Variants in TXNDC16 observed in about 807,000 individuals in gnomAD.
TXNDC16 encodes thioredoxin domain containing 16, also known as thioredoxin domain-containing protein 16.
A neutral mutation model predicts 85.6 loss-of-function variants in TXNDC16; 74 were observed. That is an observed-to-expected ratio of 0.86 (90% CI 0.72 to 1.05). The LOEUF is 1.05. Among genes scored for constraint, TXNDC16 ranks in the 50% least tolerant of loss-of-function variants. The pLI is 0.00. For synonymous variants in TXNDC16, 335 were observed against 326.5 expected, an observed-to-expected ratio of 1.03 and a Z score of -0.28; for missense variants, 959 against 947.0, an observed-to-expected ratio of 1.01 and a Z score of -0.17.
intron 17 of TXNDC16, among the ~76,000 whole-genome samples, chr14:52,456,837 G>C (rs1442041395): frequency 1.3e-5 from 2 of 152,034 alleles, no homozygotes; most frequent in African/African-American, 4.8e-5. Context: ...AACCCAAAGA[G>C]GAAAATTTTT....
At chr14:52,513,512 T>A (rs927162464) in intron 8 of TXNDC16, among the ~76,000 whole-genome samples, 7 of 152,060 alleles carry the variant, frequency 4.6e-5, no homozygotes, top group Non-Finnish European at 1.0e-4. Context: ...CAATACATCA[T>A]ATATTCAAAA....
At chr14:52,488,272 C>T in intron 12 of TXNDC16, 91 bp downstream of exon 12, 2 of 1,484,726 alleles carry the variant, frequency 1.3e-6, no homozygotes, top group Non-Finnish European at 1.8e-6. Context: ...AATCTGAACA[C>T]ATTCTTGGAG....
rs551642482 is a variant in TXNDC16 at position 52,502,264 on chromosome 14, G to C, written c.756+8976C>G. Among the ~76,000 whole-genome samples, 7 of 152,312 alleles carry C rather than the reference G, an allele frequency of 4.6e-5. No individual in the cohort carries two copies. The South Asian group carries it at 1.0e-3, about 23-fold the overall frequency. ...TTCCCTAGTTGTCTAGGAAAAAAAA[G>C]TTCAAACAAATAAAACGCTTATGCA... On this transcript the variant is annotated intron_variant, in intron 9 of 20. Transcript: ENST00000281741.
At chr14:52,529,731 TATA>T (rs1324680106) in intron 6 of TXNDC16, among the ~76,000 whole-genome samples, 4 of 118,622 alleles carry the variant, frequency 3.4e-5, no homozygotes, top group East Asian at 2.4e-4. Flanking sequence ...ATATATTATA[TATA>T]ATGCCTATTA....
rs891151801 is a variant in TXNDC16 at position 52,482,302 on chromosome 14, T to A, written c.1253-13A>T. ...GATACTGCTTGCCCTATATGAAAATTAAAAATTCAACAGATATTACATGTA... is the reference window on the plus strand; with the variant it reads ...GATACTGCTTGCCCTATATGAAAATAAAAAATTCAACAGATATTACATGTA... On this transcript the variant is annotated splice_polypyrimidine_tract_variant and intron_variant, in intron 13 of 20. Coordinates refer to ENST00000281741, the MANE Select transcript of TXNDC16 (RefSeq NM_020784.3). 1.9e-6 allele frequency: 3 copies of A among 1,607,594 alleles called. No homozygotes were observed. The highest frequency in any genetic ancestry group is 2.7e-5 in the African/African-American group (2 of 74,738).
At chr14:52,518,385 C>T (rs1327003639) in intron 7 of TXNDC16, among the ~76,000 whole-genome samples, 1 of 152,130 alleles carries the variant, frequency 6.6e-6, no homozygotes, top group Non-Finnish European at 1.5e-5. Context: ...CAAGAGCTTC[C>T]TCTCCAAATT....
chr14:52,473,081 G>A (rs1566546534), intron 14 of TXNDC16, among the ~76,000 whole-genome samples: 1 of 152,082 alleles, frequency 6.6e-6, no homozygotes, highest in Non-Finnish European at 1.5e-5. Context: ...AGCAATCTAT[G>A]AGCCCTATGT....
chr14:52,521,764 C>T (rs1432307190), intron 6 of TXNDC16, among the ~76,000 whole-genome samples: 9 of 152,160 alleles, frequency 5.9e-5, no homozygotes, highest in Non-Finnish European at 1.5e-5. Flanking sequence ...ACTTACTGAG[C>T]AGTATTCACT....
rs142280580 is a variant in TXNDC16 at position 52,503,891 on chromosome 14, G to C, written c.756+7349C>G. Among the ~76,000 whole-genome samples, 505 of 152,282 alleles carry C rather than the reference G, an allele frequency of 3.3e-3. 2 individuals are homozygous for C. Among genetic ancestry groups the C allele is most frequent in the African/African-American group, 0.011 (476 of 41,546 alleles). ...AGAGAAGTCCTTAAAGGACTTGATG[G>C]AGCTGAAAACTATGGCACGAGAACT... On this transcript the variant is annotated intron_variant, in intron 9 of 20. Coordinates refer to ENST00000281741, the MANE Select transcript of TXNDC16 (RefSeq NM_020784.3).
intron 9 of TXNDC16, among the ~76,000 whole-genome samples, chr14:52,509,479 T>C (rs545345260): frequency 7.9e-6 from 1 of 126,158 alleles, no homozygotes; most frequent in South Asian, 2.7e-4. Flanking sequence ...ACGAAAGACC[T>C]TTAAACTGCT....
chr14:52,510,231 G>A (rs2036924160), intron 9 of TXNDC16, among the ~76,000 whole-genome samples: 1 of 152,142 alleles, frequency 6.6e-6, no homozygotes, highest in Non-Finnish European at 1.5e-5. Context: ...TCTTTCACAG[G>A]TAGGAATAAG....
At chr14:52,459,892 G>C (rs578080431) in intron 16 of TXNDC16, among the ~76,000 whole-genome samples, 9 of 152,210 alleles carry the variant, frequency 5.9e-5, no homozygotes, top group African/African-American at 1.4e-4. Context: ...CAATATACTA[G>C]GTACTGAAGA....
chr14:52,509,720 T>G (rs2036908880), intron 9 of TXNDC16, among the ~76,000 whole-genome samples: 1 of 151,074 alleles, frequency 6.6e-6, no homozygotes, highest in Non-Finnish European at 1.5e-5. Context: ...GGCTCACGCA[T>G]GTAATCCCAG....
chr14:52,496,067 G>A (rs2036524658), intron 9 of TXNDC16, among the ~76,000 whole-genome samples: 1 of 151,980 alleles, frequency 6.6e-6, no homozygotes, highest in South Asian at 2.1e-4. Flanking sequence ...GGCTGAGGCA[G>A]GAGAATGGCT....
chr14:52,464,667 C>T (rs768007946), intron 16 of TXNDC16, among the ~76,000 whole-genome samples: 19 of 152,056 alleles, frequency 1.2e-4, no homozygotes, highest in Non-Finnish European at 2.5e-4. Context: ...TGCGGTGGCT[C>T]ACGCCTATAA....
At chr14:52,516,875 C>G (rs1468005031) in intron 7 of TXNDC16, among the ~76,000 whole-genome samples, 3 of 152,088 alleles carry the variant, frequency 2.0e-5, no homozygotes, top group Non-Finnish European at 4.4e-5. Context: ...TTCTGTCACA[C>G]TGTCACTCTC....
chr14:52,505,376 A>G (rs556036234), intron 9 of TXNDC16, among the ~76,000 whole-genome samples: 2 of 152,358 alleles, frequency 1.3e-5, no homozygotes, highest in Non-Finnish European at 2.9e-5. Flanking sequence ...CTCTCAGACC[A>G]CAGTGCAATC....
intron 8 of TXNDC16, among the ~76,000 whole-genome samples, chr14:52,514,629 C>T (rs187534729): frequency 2.0e-5 from 3 of 152,268 alleles, no homozygotes; most frequent in Non-Finnish European, 4.4e-5. Flanking sequence ...CTTGGCCACT[C>T]ACATCTTGTG....
In TXNDC16 at chr14:52,511,233, C is replaced by A; in HGVS notation, c.756+7G>T. ...AAGCAAATAAAAATATAAAATAAGA[C>A]ACATACCAACAGAGGTGCTTTCATT... On this transcript the variant is annotated splice_region_variant and intron_variant, in intron 9 of 20. Transcript: ENST00000281741. The A allele has an allele frequency of 6.5e-7, 1 of 1,529,006 alleles. No homozygotes were observed. The highest frequency in any genetic ancestry group is 8.8e-7 in the Non-Finnish European group (1 of 1,130,708). The allele number at this position is 1,529,006 out of a possible 1,614,324, so 94.7% of individuals were successfully genotyped here.
Sources: gnomAD v4.1 joint callset for allele counts (sites outside exome capture counted in the v4.1 genomes callset) on GRCh38, gnomAD v4.1.1 for gene constraint, MANE v1.5 for transcripts, NCBI Gene and HGNC (gene_info 2026-07-23, HGNC 2026-07-21) for gene names.